Variants in XRN1 observed in about 807,000 individuals in gnomAD.
XRN1 encodes 5'-3' exoribonuclease 1.
In XRN1, 67 loss-of-function variants were observed where a neutral mutation model predicts 222.3. That is an observed-to-expected ratio of 0.30 (90% CI 0.25 to 0.37). The LOEUF (loss-of-function observed/expected upper bound fraction) is 0.37. Ranked by LOEUF, XRN1 falls within the 10% of genes least tolerant of loss-of-function variation. The pLI is 1.00. For synonymous variants in XRN1, 643 were observed against 652.4 expected (o/e 0.99, Z 0.22); for missense variants, 1,707 against 2,000.2 (o/e 0.85, Z 2.80).
At chr3:142,400,602 T>C (rs2068090556) in intron 18 of XRN1, 55 bp from the exon 19 acceptor site, 6 of 1,417,462 alleles carry the variant, frequency 4.2e-6, no homozygotes, top group Non-Finnish European at 5.9e-6. Context: ...GAGAAAACTT[T>C]ACACAGGCAA....
intron 37 of XRN1, among the ~76,000 whole-genome samples, chr3:142,323,938 T>C (rs1231876864): frequency 6.6e-6 from 1 of 152,130 alleles, no homozygotes; most frequent in Non-Finnish European, 1.5e-5. Context: ...ATGTGATATT[T>C]TGATACAAGG....
chr3:142,323,366 G>C (rs61603525), intron 37 of XRN1, among the ~76,000 whole-genome samples: 2 of 150,408 alleles, frequency 1.3e-5, no homozygotes, highest in Non-Finnish European at 3.0e-5. Flanking sequence ...ATTTTTAGTA[G>C]AGATGGGGTT....
Position 142,310,949 on chromosome 3 carries a change from C to T in XRN1, c.*562G>A, listed in dbSNP as rs1560274308. Reference sequence around the variant, plus strand: ...CACCACAACAAATGTGATCCTTTCACAGCAGGTCTAAAGACCCTCAGAGGC... The same window carrying T: ...CACCACAACAAATGTGATCCTTTCATAGCAGGTCTAAAGACCCTCAGAGGC... On this transcript the variant is annotated 3_prime_UTR_variant, in exon 41 of 41. Transcript: ENST00000392981. 1 of 152,738 alleles carries T rather than the reference C, an allele frequency of 6.5e-6. No individual in the cohort carries two copies. Among genetic ancestry groups the T allele is most frequent in the South Asian group, 2.1e-4 (1 of 4,824 alleles). The allele number at this position is 152,738 out of a possible 1,614,324, so 9.5% of individuals were successfully genotyped here.
chr3:142,328,703 TTATATATATATATATATATATATATATA>T (rs67278209), intron 37 of XRN1, among the ~76,000 whole-genome samples: 976 of 47,110 alleles, frequency 0.021, 45 homozygotes, highest in African/African-American at 0.033. Context: ...ACTTGTAATA[TTATATATATATATATATATATATATATA>T]TATATATATA....
At chr3:142,441,653 A>G (rs553723749) in intron 1 of XRN1, among the ~76,000 whole-genome samples, 1 of 152,352 alleles carries the variant, frequency 6.6e-6, no homozygotes, top group South Asian at 2.1e-4. Context: ...TGTGAATGGT[A>G]TACTCACTGC....
intron 18 of XRN1, among the ~76,000 whole-genome samples, chr3:142,400,986 C>T (rs1437169204): frequency 2.6e-5 from 4 of 151,372 alleles, no homozygotes; most frequent in East Asian, 1.9e-4. Flanking sequence ...CATCTTCCAT[C>T]CAGGTGTAAA....
intron 20 of XRN1, among the ~76,000 whole-genome samples, chr3:142,395,506 A>T (rs902617305): frequency 2.0e-5 from 3 of 152,200 alleles, no homozygotes; most frequent in Non-Finnish European, 4.4e-5. Context: ...GTTCAAGCTC[A>T]TTCAGAAGGG....
intron 18 of XRN1, among the ~76,000 whole-genome samples, chr3:142,402,379 C>T (rs1159311689): frequency 6.6e-6 from 1 of 152,054 alleles, no homozygotes; most frequent in African/African-American, 2.4e-5. Flanking sequence ...GATGGGGTTT[C>T]ACCATGTTGG....
intron 31 of XRN1, 141 bp downstream of exon 31, chr3:142,356,770 CT>C: frequency 1.3e-6 from 1 of 754,692 alleles, no homozygotes; most frequent in Non-Finnish European, 2.1e-6. Context: ...AGCCTAGTAT[CT>C]TAAATTTGGA....
intron 27 of XRN1, among the ~76,000 whole-genome samples, chr3:142,366,565 T>A (rs1228953853): frequency 2.0e-5 from 3 of 152,144 alleles, no homozygotes; most frequent in African/African-American, 7.2e-5. Context: ...ATAAGGAAGA[T>A]ATATAGCATG....
At position 142,403,941 on chromosome 3, in the gene XRN1, G is replaced by A; in HGVS notation, c.1932C>T (p.Asn644=). Residue 644 remains asparagine (N), a synonymous_variant, in exon 17 of 41, where the codon AAC becomes AAT. Coordinates refer to ENST00000392981, the MANE Select transcript of XRN1 (RefSeq NM_001282857.2). Reference sequence around the variant, plus strand: ...CTTTCTGGTCAATTCTGGTTATTTTGTTTTTGTTTATGTCTACACGCCAAG... The same window carrying A: ...CTTTCTGGTCAATTCTGGTTATTTTATTTTTGTTTATGTCTACACGCCAAG... ...LDAWRVDINK[N]KITRIDQKAL... 6.2e-7 allele frequency: 1 copy of A among 1,610,090 alleles called. No individual in the cohort carries two copies. Among genetic ancestry groups the A allele is most frequent in the African/African-American group, 1.3e-5 (1 of 74,926 alleles).
chr3:142,430,188 G>T (rs1450241503), intron 2 of XRN1, among the ~76,000 whole-genome samples: 1 of 152,084 alleles, frequency 6.6e-6, no homozygotes, highest in Non-Finnish European at 1.5e-5. Context: ...GTGCTGTTTG[G>T]GAAGTTATCC....
At chr3:142,436,361 GACTT>G (rs1237154183) in intron 1 of XRN1, among the ~76,000 whole-genome samples, 1 of 152,128 alleles carries the variant, frequency 6.6e-6, no homozygotes, top group African/African-American at 2.4e-5. Flanking sequence ...TTCATTCTCT[GACTT>G]AATTATAACA....
intron 37 of XRN1, among the ~76,000 whole-genome samples, chr3:142,328,703 TTATATA>T (rs67278209): frequency 1.5e-4 from 7 of 47,170 alleles, no homozygotes; most frequent in Admixed American, 3.6e-4. Context: ...ACTTGTAATA[TTATATA>T]TATATATATA....
chr3:142,337,011 T>C (rs1232708250), intron 33 of XRN1, among the ~76,000 whole-genome samples: 1 of 152,118 alleles, frequency 6.6e-6, no homozygotes, highest in Non-Finnish European at 1.5e-5. Context: ...CCACAAAATT[T>C]TTTTTGAAAA....
intron 10 of XRN1, 152 bp from the exon 11 acceptor site, chr3:142,419,033 C>T: frequency 1.4e-6 from 1 of 712,266 alleles, no homozygotes; most frequent in South Asian, 1.8e-5. Flanking sequence ...CCCTTGTGAT[C>T]TCAATCCTTT....
At chr3:142,323,248 C>T (rs139320525) in intron 37 of XRN1, among the ~76,000 whole-genome samples, 54 of 151,470 alleles carry the variant, frequency 3.6e-4, no homozygotes, top group Non-Finnish European at 6.8e-4. Context: ...AGATTCCACA[C>T]TGCAACTAAC....
chr3:142,323,593 C>CA (rs1209369047), intron 37 of XRN1, among the ~76,000 whole-genome samples: 2 of 151,932 alleles, frequency 1.3e-5, no homozygotes, highest in South Asian at 2.1e-4. Context: ...TAGATTTCTA[C>CA]AAAAAAACAC....
At chr3:142,326,557 A>G (rs1043833231) in intron 37 of XRN1, among the ~76,000 whole-genome samples, 1 of 152,032 alleles carries the variant, frequency 6.6e-6, no homozygotes, top group Admixed American at 6.6e-5. Context: ...TTCTAAATAT[A>G]AGATTATATT....
Sources: gnomAD v4.1 joint callset for allele counts (sites outside exome capture counted in the v4.1 genomes callset) on GRCh38, gnomAD v4.1.1 for gene constraint, MANE v1.5 for transcripts, NCBI Gene and HGNC (gene_info 2026-07-23, HGNC 2026-07-21) for gene names.